RXRA: variants seen among roughly 807,000 people sequenced by gnomAD.
RXRA encodes the protein retinoid X receptor alpha.
A neutral mutation model predicts 44.5 loss-of-function variants in RXRA; 5 were observed. That is an observed-to-expected ratio of 0.11 (90% confidence interval 0.06 to 0.24). The LOEUF (loss-of-function observed/expected upper bound fraction) is 0.24, where lower values mean the gene tolerates loss of function less well. Among genes scored for constraint, RXRA ranks in the 10% least tolerant of loss-of-function variants. The pLI, the probability that RXRA is intolerant of heterozygous loss-of-function variation, is 1.00. For missense variants in RXRA, 412 were observed against 646.5 expected (o/e 0.64, Z 3.93); for synonymous variants, 291 against 271.4 (o/e 1.07, Z -0.71).
At chr9:134,420,783 C>G (rs1831317182) in intron 5 of RXRA, among the ~76,000 whole-genome samples, 2 of 152,228 alleles carry the variant, frequency 1.3e-5, no homozygotes, top group South Asian at 4.1e-4. Context: ...GTGACCCAAG[C>G]CCCACCTGCC....
chr9:134,395,731 G>C (rs1471482969), intron 1 of RXRA, among the ~76,000 whole-genome samples: 2 of 152,268 alleles, frequency 1.3e-5, no homozygotes, highest in Admixed American at 6.5e-5. Flanking sequence ...TCCATCATCC[G>C]ACCCTGCTTT....
chr9:134,431,770 C>A, intron 7 of RXRA, 135 bp from the exon 8 acceptor site: 1 of 630,842 alleles, frequency 1.6e-6, no homozygotes, highest in Non-Finnish European at 2.8e-6. Flanking sequence ...GTCTGGGAGT[C>A]CTTGCCTTGG....
At chr9:134,339,244 C>T (rs986810039) in intron 1 of RXRA, among the ~76,000 whole-genome samples, 3 of 152,260 alleles carry the variant, frequency 2.0e-5, no homozygotes, top group Non-Finnish European at 2.9e-5. Flanking sequence ...TGGCGCCTCC[C>T]GCGCTGTTCC....
intron 1 of RXRA, among the ~76,000 whole-genome samples, chr9:134,375,806 G>T (rs1830548438): frequency 6.6e-6 from 1 of 152,100 alleles, no homozygotes; most frequent in South Asian, 2.1e-4. Context: ...CATTCTCGGT[G>T]TGAGAGTTTG....
chr9:134,401,088 A>G (rs1490510077), intron 1 of RXRA, among the ~76,000 whole-genome samples: 2 of 152,222 alleles, frequency 1.3e-5, no homozygotes, highest in African/African-American at 2.4e-5. Context: ...CCGCATCTGT[A>G]AAATGGGAGA....
At position 134,412,377 on chromosome 9, in the gene RXRA, C is replaced by T. The variant is rs368993284; in HGVS notation, c.610+3258C>T. On this transcript the variant is annotated intron_variant, in intron 4 of 9. Transcript: ENST00000481739. ...AGGCTGGAGCTGAGGCGTCGCATCC[C>T]AGTGCAGTGCTGCGAGGGAGTCGCC... Among the ~76,000 whole-genome samples the T allele has an allele frequency of 9.8e-5, 15 of 152,350 alleles. No homozygotes were observed. The East Asian group carries it at 2.5e-3, about 25-fold the overall frequency.
At chr9:134,341,876 C>T (rs1830090420) in intron 1 of RXRA, among the ~76,000 whole-genome samples, 1 of 152,162 alleles carries the variant, frequency 6.6e-6, no homozygotes, top group Non-Finnish European at 1.5e-5. Flanking sequence ...GCGTGACTGG[C>T]AGCGTCACTG....
At chr9:134,432,967 C>T (rs184750296) in intron 8 of RXRA, among the ~76,000 whole-genome samples, 6 of 151,956 alleles carry the variant, frequency 3.9e-5, no homozygotes, top group African/African-American at 7.2e-5. Context: ...CAGCTCATTG[C>T]GTGATAGGGG....
chr9:134,412,456 G>A (rs535023496), intron 4 of RXRA, among the ~76,000 whole-genome samples: 14 of 152,328 alleles, frequency 9.2e-5, no homozygotes, highest in South Asian at 6.2e-4. Flanking sequence ...GCCCCCATGC[G>A]GTGACTCTGC....
At chr9:134,389,783 C>T (rs1231760094) in intron 1 of RXRA, among the ~76,000 whole-genome samples, 1 of 152,166 alleles carries the variant, frequency 6.6e-6, no homozygotes, top group Non-Finnish European at 1.5e-5. Flanking sequence ...GACAGAGACT[C>T]CATAGCTGCA....
chr9:134,361,563 G>A (rs1232085940), intron 1 of RXRA, among the ~76,000 whole-genome samples: 1 of 152,186 alleles, frequency 6.6e-6, no homozygotes, highest in Non-Finnish European at 1.5e-5. Context: ...GAGACTAAAT[G>A]CCTCCAACGT....
intron 4 of RXRA, among the ~76,000 whole-genome samples, chr9:134,413,596 C>T (rs914879041): frequency 7.9e-5 from 12 of 152,180 alleles, no homozygotes; most frequent in African/African-American, 2.2e-4. Flanking sequence ...CCCTGGGCTG[C>T]ACAAGGGACG....
intron 1 of RXRA, among the ~76,000 whole-genome samples, chr9:134,327,019 G>A (rs1834925685): frequency 1.3e-5 from 2 of 151,910 alleles, no homozygotes; most frequent in African/African-American, 4.8e-5. Context: ...CAACTTCTGC[G>A]CTCCGCGGCT....
intron 4 of RXRA, among the ~76,000 whole-genome samples, chr9:134,412,673 A>C (rs1460593233): frequency 2.6e-5 from 4 of 151,868 alleles, no homozygotes; most frequent in Non-Finnish European, 4.4e-5. Context: ...CCCTCTGCCA[A>C]GCTGAGCCTG....
At chr9:134,406,284 C>G (rs1462889385) in intron 2 of RXRA, 1 of 151,560 alleles carries the variant, frequency 6.6e-6, no homozygotes, top group Non-Finnish European at 1.5e-5. Context: ...ATCCCAGCTA[C>G]TCAGGAGGCT....
At chr9:134,368,083 G>A (rs1362926632) in intron 1 of RXRA, among the ~76,000 whole-genome samples, 3 of 152,212 alleles carry the variant, frequency 2.0e-5, no homozygotes, top group East Asian at 1.9e-4. Flanking sequence ...CTGCGGCAGC[G>A]GGCCTGGGGC....
intron 6 of RXRA, chr9:134,425,686 CT>C: frequency 2.0e-6 from 2 of 985,280 alleles, no homozygotes; most frequent in Non-Finnish European, 2.4e-6. Context: ...CTTTACTCCC[CT>C]GGTCTTGTTA....
intron 1 of RXRA, among the ~76,000 whole-genome samples, chr9:134,367,154 C>A (rs757123070): frequency 7.9e-5 from 12 of 152,158 alleles, no homozygotes; most frequent in Non-Finnish European, 1.8e-4. Context: ...GCACTTCCAC[C>A]AACCCCCCAA....
chr9:134,364,682 A>C (rs942700566), intron 1 of RXRA, among the ~76,000 whole-genome samples: 6 of 152,096 alleles, frequency 3.9e-5, no homozygotes, highest in Non-Finnish European at 7.4e-5. Flanking sequence ...CCAGCTCCCC[A>C]CACCCCCTAA....
Sources: gnomAD v4.1 joint callset for allele counts (sites outside exome capture counted in the v4.1 genomes callset) on GRCh38, gnomAD v4.1.1 for gene constraint, MANE v1.5 for transcripts, NCBI Gene and HGNC (gene_info 2026-07-23, HGNC 2026-07-21) for gene names.